FMNL2: variants seen among roughly 807,000 people sequenced by gnomAD.
FMNL2 encodes the protein formin-like protein 2.
A neutral mutation model predicts 130.2 loss-of-function variants in FMNL2; 51 were observed. The ratio of observed to expected loss-of-function variants is 0.39; its 90% CI spans 0.31 to 0.49. The LOEUF is 0.49. Among genes scored for constraint, FMNL2 ranks in the 20% least tolerant of loss-of-function variants. The pLI is 0.85. For missense variants in FMNL2, 977 were observed against 1,316.2 expected (o/e 0.74, Z 3.99); for synonymous variants, 465 against 467.1 (o/e 1.00, Z 0.06).
chr2:152,563,490 G>A (rs1240453488), intron 6 of FMNL2, among the ~76,000 whole-genome samples: 1 of 152,074 alleles, frequency 6.6e-6, no homozygotes, highest in Non-Finnish European at 1.5e-5. Context: ...GTGGTTCATG[G>A]ATTTATGTCT....
intron 25 of FMNL2, chr2:152,643,464 C>T: frequency 6.5e-7 from 1 of 1,536,144 alleles, no homozygotes; most frequent in African/African-American, 1.4e-5. Flanking sequence ...AAGCGTGGCT[C>T]TCGGTTTTTC....
At position 152,559,255 on chromosome 2, in the gene FMNL2, C is replaced by T. The variant is rs141180051; in HGVS notation, c.443+432C>T. On this transcript the variant is annotated intron_variant, in intron 5 of 25. Coordinates refer to ENST00000288670, the MANE Select transcript of FMNL2 (RefSeq NM_052905.4). ...AATGATTGCAGAAACAGATACCAAA[C>T]GTAGTGGCACTGGAGGGAGAGGTAA... Among the ~76,000 whole-genome samples the T allele has an allele frequency of 4.9e-4, 75 of 152,270 alleles. No homozygotes were observed. In the East Asian group the frequency reaches 0.013, roughly 27 times the overall value.
intron 1 of FMNL2, among the ~76,000 whole-genome samples, chr2:152,434,672 C>G (rs1205176931): frequency 6.6e-6 from 1 of 151,962 alleles, no homozygotes; most frequent in Non-Finnish European, 1.5e-5. Context: ...AACTGGCCTA[C>G]TCCTGCTTGC....
At chr2:152,624,034 TCCTTC>T (rs1559019378) in intron 15 of FMNL2, among the ~76,000 whole-genome samples, 12 of 79,866 alleles carry the variant, frequency 1.5e-4, no homozygotes, top group African/African-American at 5.3e-4. Context: ...TCCATACAAT[TCCTTC>T]CCTTCCCTCC....
chr2:152,469,567 G>T (rs555176992), intron 1 of FMNL2, among the ~76,000 whole-genome samples: 5 of 152,234 alleles, frequency 3.3e-5, no homozygotes, highest in South Asian at 2.1e-4. Flanking sequence ...CAGGACTTCT[G>T]CTCCCCCTTG....
chr2:152,635,555 G>A (rs1057016810), intron 21 of FMNL2, among the ~76,000 whole-genome samples: 8 of 151,868 alleles, frequency 5.3e-5, no homozygotes, highest in Admixed American at 3.9e-4. Flanking sequence ...TAACCACATT[G>A]ATTTAAGAAT....
chr2:152,491,949 TCAA>T (rs544476584), intron 1 of FMNL2, among the ~76,000 whole-genome samples: 4 of 152,054 alleles, frequency 2.6e-5, no homozygotes, highest in East Asian at 1.9e-4. Flanking sequence ...AGACTTCATC[TCAA>T]CAACAACAAC....
Position 152,597,258 on chromosome 2 carries a change from T to A in FMNL2, c.877-10081T>A, listed in dbSNP as rs79842321. On this transcript the variant is annotated intron_variant, in intron 9 of 25. Transcript: ENST00000288670. Reference sequence around the variant, plus strand: ...TAAATTAAAAGGTGCACTTTGTTCATTTTCAAGAAAATACCTGCCAAGTGC... The same window carrying A: ...TAAATTAAAAGGTGCACTTTGTTCAATTTCAAGAAAATACCTGCCAAGTGC... Among the ~76,000 whole-genome samples the A allele has an allele frequency of 4.3e-3, 661 of 152,342 alleles. 6 individuals carry two copies. The highest frequency in any genetic ancestry group is 0.015 in the African/African-American group (626 of 41,580).
intron 2 of FMNL2, among the ~76,000 whole-genome samples, chr2:152,541,287 G>T (rs1267507074): frequency 6.6e-6 from 1 of 152,110 alleles, no homozygotes; most frequent in Admixed American, 6.5e-5. Context: ...CTCCTGGATA[G>T]CTGGGACTAC....
At chr2:152,569,025 GTTA>G (rs1182987050) in intron 6 of FMNL2, among the ~76,000 whole-genome samples, 1 of 151,382 alleles carries the variant, frequency 6.6e-6, no homozygotes, top group Non-Finnish European at 1.5e-5. Flanking sequence ...TACCACCATT[GTTA>G]TTATTTTTAA....
chr2:152,581,596 G>A (rs1314383756), intron 9 of FMNL2, among the ~76,000 whole-genome samples: 2 of 152,106 alleles, frequency 1.3e-5, no homozygotes, highest in East Asian at 1.9e-4. Flanking sequence ...ATATGACGCC[G>A]CGGGCCCTGC....
chr2:152,607,475 A>G, intron 10 of FMNL2, 62 bp downstream of exon 10: 2 of 455,394 alleles, frequency 4.4e-6, no homozygotes, highest in Non-Finnish European at 6.5e-6. Flanking sequence ...CTAAATACAC[A>G]CACACACACA....
Position 152,549,059 on chromosome 2 carries a change from A to G in FMNL2, c.321A>G (p.Leu107=), listed in dbSNP as rs774618995. ...RRRVQESTQV[L]RELEISLRTN... is the part of the protein sequence containing the mutation. Reference sequence around the variant, plus strand: ...GTGTTCAAGAATCTACACAAGTGCTAAGAGAACTGGAAATTTCTTTGAGAA... The same window carrying G: ...GTGTTCAAGAATCTACACAAGTGCTGAGAGAACTGGAAATTTCTTTGAGAA... Residue 107 remains leucine, a synonymous_variant, in exon 4 of 26, where the codon CTA becomes CTG. Coordinates refer to ENST00000288670, the MANE Select transcript of FMNL2 (RefSeq NM_052905.4). 1 of 1,610,792 alleles carries G rather than the reference A, an allele frequency of 6.2e-7. No homozygotes were observed. Among genetic ancestry groups the G allele is most frequent in the Non-Finnish European group, 8.5e-7 (1 of 1,178,652 alleles).
intron 2 of FMNL2, among the ~76,000 whole-genome samples, chr2:152,534,703 C>G (rs945954908): frequency 6.6e-6 from 1 of 151,552 alleles, no homozygotes; most frequent in Admixed American, 6.6e-5. Flanking sequence ...AAAGGCATTC[C>G]TAAGTAAGAG....
chr2:152,449,800 T>G (rs1688533800), intron 1 of FMNL2, among the ~76,000 whole-genome samples: 1 of 152,222 alleles, frequency 6.6e-6, no homozygotes, highest in Non-Finnish European at 1.5e-5. Context: ...GATACTGGTG[T>G]CAAACAGCTT....
In FMNL2 at chr2:152,619,570, T is replaced by TCCCCCCCC; in HGVS notation, c.1691_1692insCCCCCCCC (p.Pro567LeufsTer24). ...CGCCGCCGCCCCCTCCTCCACCTCCTCCTCCCCCACCGCCCCCTCCGCCTC... is the reference window on the plus strand; with the variant it reads ...CGCCGCCGCCCCCTCCTCCACCTCCTCCCCCCCCCCTCCCCCACCGCCCCCTCCGCCTC... On this transcript the variant is annotated frameshift_variant, in exon 15 of 26. Coordinates refer to ENST00000288670, the MANE Select transcript of FMNL2 (RefSeq NM_052905.4). LOFTEE classifies it high-confidence loss of function. The TCCCCCCCC allele has an allele frequency of 2.0e-6, 1 of 491,250 alleles. No homozygotes were observed. Among genetic ancestry groups the TCCCCCCCC allele is most frequent in the Non-Finnish European group, 3.0e-6 (1 of 336,902 alleles). 30.4% of individuals were successfully genotyped at this position (491,250 alleles called of 1,614,324 possible).
At chr2:152,632,322 G>A (rs868738566) in intron 21 of FMNL2, among the ~76,000 whole-genome samples, 185 bp downstream of exon 21, 28 of 152,200 alleles carry the variant, frequency 1.8e-4, no homozygotes, top group Middle Eastern at 3.2e-3. Context: ...GAGCACATGG[G>A]TGTAAAGGTG....
chr2:152,421,108 G>A (rs1686892934), intron 1 of FMNL2, among the ~76,000 whole-genome samples: 1 of 152,120 alleles, frequency 6.6e-6, no homozygotes, highest in African/African-American at 2.4e-5. Flanking sequence ...GCCCTGCCCA[G>A]CCCCGCCACC....
chr2:152,561,902 T>C lies in FMNL2; in HGVS notation c.596+867T>C, dbSNP rs142345789. On this transcript the variant is annotated intron_variant, in intron 6 of 25. Coordinates refer to ENST00000288670, the MANE Select transcript of FMNL2 (RefSeq NM_052905.4). ...CAGTTGTCAACCTTATATTTTCTCC[T>C]AAGTATTCCCTTTCTCATCTCTTCT... is the stretch of plus-strand genomic sequence containing the variant. Among the ~76,000 whole-genome samples the C allele has an allele frequency of 3.0e-3, 455 of 152,282 alleles. 1 individual carries two copies. The highest frequency in any genetic ancestry group is 0.011 in the African/African-American group (440 of 41,566).
Sources: allele counts gnomAD v4.1 joint callset (sites outside exome capture counted in the v4.1 genomes callset), GRCh38; gene constraint gnomAD v4.1.1; transcripts MANE v1.5; gene names NCBI Gene and HGNC (gene_info 2026-07-23, HGNC 2026-07-21).